GAREM1: variants seen among roughly 807,000 people sequenced by gnomAD.
GAREM1 encodes the protein GRB2-associated and regulator of MAPK protein 1.
GAREM1 carries 26 observed loss-of-function variants against 71.3 expected under a neutral mutation model. That is an observed-to-expected ratio of 0.36 (90% CI 0.27 to 0.51). GAREM1 has a LOEUF of 0.51. Ranked by LOEUF, GAREM1 falls within the 20% of genes least tolerant of loss-of-function variation. The pLI is 0.95. For synonymous variants in GAREM1, 440 were observed against 433.2 expected, an observed-to-expected ratio of 1.02 and a Z score of -0.20; for missense variants, 1,026 against 1,103.1, an observed-to-expected ratio of 0.93 and a Z score of 0.99.
chr18:32,454,525 A>G (rs2048869719), intron 1 of GAREM1, among the ~76,000 whole-genome samples: 1 of 152,228 alleles, frequency 6.6e-6, no homozygotes, highest in African/African-American at 2.4e-5. Context: ...GCAAAATTTT[A>G]ATGCTGAATT....
intron 2 of GAREM1, among the ~76,000 whole-genome samples, chr18:32,335,476 T>C (rs2047581695): frequency 6.6e-6 from 1 of 152,174 alleles, no homozygotes; most frequent in South Asian, 2.1e-4. Context: ...CATTTTGAAC[T>C]GGGAGCTAAT....
At chr18:32,414,936 G>C (rs1333534245) in intron 1 of GAREM1, among the ~76,000 whole-genome samples, 1 of 151,668 alleles carries the variant, frequency 6.6e-6, no homozygotes, top group Non-Finnish European at 1.5e-5. Context: ...TTTTTGAAAA[G>C]ATAAACAAAA....
intron 1 of GAREM1, among the ~76,000 whole-genome samples, chr18:32,440,934 A>G (rs1381383202): frequency 1.3e-5 from 2 of 152,244 alleles, no homozygotes; most frequent in Non-Finnish European, 2.9e-5. Flanking sequence ...CTGTATCTAC[A>G]TAAGTCTCAA....
At chr18:32,415,246 T>C (rs1193417373) in intron 1 of GAREM1, among the ~76,000 whole-genome samples, 1 of 152,044 alleles carries the variant, frequency 6.6e-6, no homozygotes, top group Non-Finnish European at 1.5e-5. Context: ...CTGGACCTGA[T>C]GGCTTCACTG....
intron 2 of GAREM1, among the ~76,000 whole-genome samples, chr18:32,321,048 A>G (rs2047423362): frequency 6.6e-6 from 1 of 152,164 alleles, no homozygotes; most frequent in African/African-American, 2.4e-5. Flanking sequence ...TCAGATTTTA[A>G]GCCCGTTTCC....
intron 1 of GAREM1, among the ~76,000 whole-genome samples, chr18:32,396,811 C>CA (rs1309661873): frequency 1.3e-5 from 2 of 152,046 alleles, no homozygotes; most frequent in Non-Finnish European, 2.9e-5. Flanking sequence ...GAGAATGCCA[C>CA]AAAGATACTC....
At chr18:32,467,962 T>C (rs2144323778) in intron 1 of GAREM1, among the ~76,000 whole-genome samples, 1 of 152,320 alleles carries the variant, frequency 6.6e-6, no homozygotes, top group South Asian at 2.1e-4. Flanking sequence ...TCTTTTAAAG[T>C]CTACCCAAAT....
chr18:32,287,622 G>A lies in GAREM1; in HGVS notation c.975C>T (p.His325=). The change falls in exon 4 of 6, where the codon CAC becomes CAT. Residue 325 remains histidine (H), a synonymous_variant. Coordinates refer to ENST00000269209, the MANE Select transcript of GAREM1 (RefSeq NM_001242409.2). This position sits in a 1 kb window ranked among gnomAD's most constrained non-coding sequence, Gnocchi z 5.9. ...GESWPETLVH[H]WLGICQEQFD... is the part of the protein sequence containing the mutation. ...ACTGTTCTTGGCAGATACCTAGCCA[G>A]TGATGGACCAGGGTTTCGGGCCAGC... 1 of 1,614,222 alleles carries A rather than the reference G, an allele frequency of 6.2e-7. No homozygotes were observed. The highest frequency in any genetic ancestry group is 2.2e-5 in the East Asian group (1 of 44,880).
intron 2 of GAREM1, among the ~76,000 whole-genome samples, chr18:32,317,294 A>G (rs1161085216): frequency 2.6e-5 from 4 of 151,634 alleles, no homozygotes; most frequent in Non-Finnish European, 5.9e-5. Flanking sequence ...GATCCCAGCT[A>G]CTTGGGAGGC....
At chr18:32,333,689 G>A (rs547331504) in intron 2 of GAREM1, among the ~76,000 whole-genome samples, 2 of 152,302 alleles carry the variant, frequency 1.3e-5, no homozygotes, top group African/African-American at 4.8e-5. Flanking sequence ...GTGAAGAGGT[G>A]GCTCCATGGC....
chr18:32,466,710 C>T (rs556913408), intron 1 of GAREM1, among the ~76,000 whole-genome samples: 1 of 152,284 alleles, frequency 6.6e-6, no homozygotes, highest in South Asian at 2.1e-4. Flanking sequence ...TCTCCATCCT[C>T]TCCTTGGTCC....
At chr18:32,393,142 A>C (rs2144659819) in intron 1 of GAREM1, 107 bp from the exon 2 acceptor site, 1 of 1,057,502 alleles carries the variant, frequency 9.5e-7, no homozygotes, top group Non-Finnish European at 1.3e-6. Context: ...AGAAGTTGAC[A>C]GTTCATCCCA....
chr18:32,470,279 G>A lies in GAREM1; in HGVS notation c.121+29C>T. ...CGCGTGGAGACGGCTGTCCTCGCCC[G>A]TCTGCCCCGCGCCCCAGCTGGGACT... On this transcript the variant is annotated intron_variant, in intron 1 of 5. Transcript: ENST00000269209. This position sits in a 1 kb window ranked among gnomAD's most constrained non-coding sequence, Gnocchi z 4.4. The A allele has an allele frequency of 6.8e-7, 1 of 1,478,600 alleles. No individual in the cohort carries two copies. Among genetic ancestry groups the A allele is most frequent in the Non-Finnish European group, 9.0e-7 (1 of 1,110,862 alleles). The allele number at this position is 1,478,600 out of a possible 1,614,324, so 91.6% of individuals were successfully genotyped here. A position where few individuals can be genotyped will look rare whatever the true frequency, so the allele number is the denominator to read the frequency against.
At chr18:32,355,286 C>T (rs2047793012) in intron 2 of GAREM1, among the ~76,000 whole-genome samples, 1 of 152,114 alleles carries the variant, frequency 6.6e-6, no homozygotes, top group South Asian at 2.1e-4. Context: ...AAAAACAACT[C>T]ACAAAGCAAG....
chr18:32,295,882 A>T (rs2144489740), intron 3 of GAREM1, among the ~76,000 whole-genome samples: 1 of 152,306 alleles, frequency 6.6e-6, no homozygotes, highest in South Asian at 2.1e-4. Flanking sequence ...TACTTTTAGT[A>T]CTTCGGTATT....
At chr18:32,389,194 C>CA (rs1474792820) in intron 2 of GAREM1, among the ~76,000 whole-genome samples, 1 of 151,988 alleles carries the variant, frequency 6.6e-6, no homozygotes, top group African/African-American at 2.4e-5. Flanking sequence ...AAAAGCAAAA[C>CA]AAAAAACAGC....
At chr18:32,363,987 CATATATACATATAT>C (rs1430289186) in intron 2 of GAREM1, among the ~76,000 whole-genome samples, 5 of 27,092 alleles carry the variant, frequency 1.8e-4, no homozygotes, top group Non-Finnish European at 2.8e-4. Flanking sequence ...TACATAAATA[CATATATACATATAT>C]ATATATATAT....
At chr18:32,272,170 T>A (rs1318810146) in intron 4 of GAREM1, among the ~76,000 whole-genome samples, 2 of 151,830 alleles carry the variant, frequency 1.3e-5, no homozygotes, top group Non-Finnish European at 2.9e-5. Context: ...CTGCATCTCC[T>A]ACTATCTACA....
chr18:32,334,472 C>T (rs545805758), intron 2 of GAREM1, among the ~76,000 whole-genome samples: 6 of 152,198 alleles, frequency 3.9e-5, no homozygotes, highest in African/African-American at 1.2e-4. Context: ...GATGGACAAG[C>T]GAAAGCCAGG....
Sources: gnomAD v4.1 joint callset for allele counts (sites outside exome capture counted in the v4.1 genomes callset) on GRCh38, gnomAD v4.1.1 for gene constraint, Gnocchi (gnomAD v3.1) non-coding constraint, MANE v1.5 for transcripts, NCBI Gene and HGNC (gene_info 2026-07-23, HGNC 2026-07-21) for gene names.